The following PTPRH variants were observed in gnomAD, a reference collection of about 807,000 sequenced individuals.
PTPRH encodes protein tyrosine phosphatase receptor type H.
PTPRH carries 113 observed loss-of-function variants against 130.2 expected under a neutral mutation model. That is an observed-to-expected ratio of 0.87 (90% CI 0.75 to 1.01). The LOEUF is 1.01. Ranked by LOEUF, PTPRH falls within the 50% of genes least tolerant of loss-of-function variation. PTPRH has a pLI of 0.00. For synonymous variants in PTPRH, 556 were observed against 577.9 expected, an observed-to-expected ratio of 0.96 and a Z score of 0.54; for missense variants, 1,430 against 1,425.0, an observed-to-expected ratio of 1.00 and a Z score of -0.06.
At chr19:55,192,381 A>G (rs560735016) in intron 10 of PTPRH, among the ~76,000 whole-genome samples, 82 of 151,910 alleles carry the variant, frequency 5.4e-4, no homozygotes, top group Middle Eastern at 6.8e-3. Flanking sequence ...CAGCCTGGGT[A>G]ACAGAGCAAG....
At chr19:55,190,150 C>T (rs1359121890) in intron 12 of PTPRH, among the ~76,000 whole-genome samples, 1 of 151,976 alleles carries the variant, frequency 6.6e-6, no homozygotes, top group Non-Finnish European at 1.5e-5. Context: ...GCAGGTGGAT[C>T]ACAAGGTCAG....
intron 3 of PTPRH, among the ~76,000 whole-genome samples, chr19:55,206,090 G>A (rs1182101469): frequency 6.6e-6 from 1 of 151,936 alleles, no homozygotes; most frequent in East Asian, 1.9e-4. Flanking sequence ...AAAGTTAGTT[G>A]GGCATGGTGG....
Position 55,205,573 on chromosome 19 carries a change from G to A in PTPRH, c.372C>T (p.Asn124=), listed in dbSNP as rs1274117339. ...TGTTGGTCTGAGCCTCCACTCTCAG[G>A]TTCCTCACTGGGTTGGGAGCTGAAA... The part of the protein sequence containing the change: ...TTATAPNPVR[N]LRVEAQTNSS... Residue 124 remains asparagine, a synonymous_variant, in exon 4 of 20, where the codon AAC becomes AAT. Coordinates refer to ENST00000376350, the MANE Select transcript of PTPRH (RefSeq NM_002842.5). The A allele has an allele frequency of 6.2e-7, 1 of 1,614,088 alleles. No homozygotes were observed. The highest frequency in any genetic ancestry group is 1.3e-5 in the African/African-American group (1 of 74,938).
rs2086534420 is a variant in PTPRH, at chr19:55,191,520, G to A, written c.2365C>T (p.Leu789Phe). The stretch of plus-strand genomic sequence containing the variant: ...GCTCACCTAAAGACCAGATCCCTGA[G>A]TTCTGGTTTCTGCTGCTTCTTCTTA... ...RNKKKQQKPELRDLVFSSPGD... is the reference protein window; with the variant it reads ...RNKKKQQKPEFRDLVFSSPGD... Residue 789 changes from leucine to phenylalanine, a missense_variant, in exon 12 of 20, where the codon CTC becomes TTC. Leu to Phe is a conservative substitution (Grantham distance 22). Transcript: ENST00000376350. 6.2e-7 allele frequency: 1 copy of A among 1,614,196 alleles called. No homozygotes were observed. The highest frequency in any genetic ancestry group is 8.5e-7 in the Non-Finnish European group (1 of 1,180,034).
rs2086294697 is a variant in PTPRH at position 55,185,556 on chromosome 19, A to G, written c.3008T>C (p.Leu1003Pro). ...CATGGTCTGATCCAGCCACTGCCGA[A>G]GCATCCTCCAGAAAGCCAGCAAGGT... ...PDTLLAFWRMLRQWLDQTMEG... is the reference protein window; with the variant it reads ...PDTLLAFWRMPRQWLDQTMEG... Residue 1003 changes from leucine (L) to proline (P), a missense_variant, in exon 18 of 20, where the codon CTT becomes CCT. Physicochemically the swap from Leu to Pro is moderately conservative, Grantham distance 98. Transcript: ENST00000376350. 6 of 1,614,218 alleles carry G rather than the reference A, an allele frequency of 3.7e-6. No individual in the cohort carries two copies. Among genetic ancestry groups the G allele is most frequent in the Non-Finnish European group, 4.2e-6 (5 of 1,180,032 alleles).
In PTPRH at chr19:55,182,011, C is replaced by T. The variant is rs377154770; in HGVS notation, c.3198+5G>A. On this transcript the variant is annotated splice_donor_5th_base_variant and intron_variant, in intron 19 of 19. Coordinates refer to ENST00000376350, the MANE Select transcript of PTPRH (RefSeq NM_002842.5). Reference sequence around the variant, plus strand: ...CCGTCCTGTGTTGCTGAGGGACTGCCTCACCTCAGTCTGCACCATCAACGG... The same window carrying T: ...CCGTCCTGTGTTGCTGAGGGACTGCTTCACCTCAGTCTGCACCATCAACGG... 5 of 1,613,982 alleles carry T rather than the reference C, an allele frequency of 3.1e-6. No individual in the cohort carries two copies. In the African/African-American group the frequency reaches 5.3e-5, roughly 17 times the overall value.
At chr19:55,188,728 C>T (rs948345219) in intron 12 of PTPRH, among the ~76,000 whole-genome samples, 4 of 152,124 alleles carry the variant, frequency 2.6e-5, no homozygotes, top group Non-Finnish European at 5.9e-5. Flanking sequence ...CAGCCCCCAC[C>T]GGCCTGACTG....
Position 55,206,847 on chromosome 19 carries a change from A to T in PTPRH, c.194T>A (p.Val65Asp). Residue 65 changes from valine to aspartate, a missense_variant, in exon 3 of 20, where the codon GTT becomes GAT. Val to Asp is a radical substitution (Grantham distance 152, BLOSUM62 -3). Coordinates refer to ENST00000376350, the MANE Select transcript of PTPRH (RefSeq NM_002842.5). ...TGTGCCGCCGTCTCCAGTACACTGA[A>T]CCCAGTAGTTGGAGTTCTGTGAGTC... ...GLDSQNSNYW[V>D]QCTGDGGTTE... 6.2e-7 allele frequency: 1 copy of T among 1,614,064 alleles called. No individual in the cohort carries two copies. Among genetic ancestry groups the T allele is most frequent in the East Asian group, 2.2e-5 (1 of 44,882 alleles).
At position 55,203,854 on chromosome 19, in the gene PTPRH, A is replaced by G. The variant is rs2086952722; in HGVS notation, c.814T>C (p.Leu272=). 2 of 1,614,156 alleles carry G rather than the reference A, an allele frequency of 1.2e-6. No individual in the cohort carries two copies. The highest frequency in any genetic ancestry group is 2.2e-5 in the East Asian group (1 of 44,874). ...TCCACCCACACAGAACACGTATACAATGACCCGGGTCCAAGGCCATCCACG... is the reference window on the plus strand; with the variant it reads ...TCCACCCACACAGAACACGTATACAGTGACCCGGGTCCAAGGCCATCCACG... ...VTVDGLGPGS[L]YTCSVWVEKD... is the part of the protein sequence containing the mutation. The change falls in exon 5 of 20, where the codon TTG becomes CTG. Residue 272 remains leucine (L), a synonymous_variant. Transcript: ENST00000376350.
Position 55,181,844 on chromosome 19 carries a change from G to T in PTPRH, c.3258C>A (p.Ala1086=). The change falls in exon 20 of 20, where the codon GCC becomes GCA. Residue 1086 remains alanine, a synonymous_variant. Transcript: ENST00000376350. ...ILRFLQQSAQ[A]PAEKEVPYED... is the part of the protein sequence containing the mutation. Reference sequence around the variant, plus strand: ...CATACGGGACTTCCTTCTCGGCTGGGGCCTGGGCTGACTGTTGGAGGAACC... The same window carrying T: ...CATACGGGACTTCCTTCTCGGCTGGTGCCTGGGCTGACTGTTGGAGGAACC... 1 of 1,614,162 alleles carries T rather than the reference G, an allele frequency of 6.2e-7. No homozygotes were observed. Among genetic ancestry groups the T allele is most frequent in the East Asian group, 2.2e-5 (1 of 44,892 alleles).
intron 12 of PTPRH, among the ~76,000 whole-genome samples, chr19:55,191,265 T>G (rs987677252): frequency 6.6e-6 from 1 of 152,222 alleles, no homozygotes; most frequent in Non-Finnish European, 1.5e-5. Flanking sequence ...TCAGCTGATA[T>G]CTGCTGAATG....
Position 55,187,371 on chromosome 19 carries a change from AAAAAAAAAAAGGAAG to A in PTPRH, c.2566+127_2566+141del, listed in dbSNP as rs1364878904. 4.3e-3 allele frequency: 1,405 copies of A among 329,488 alleles called. 20 individuals are homozygous for A. In the African/African-American group the frequency reaches 0.046, roughly 11 times the overall value. 20.4% of individuals were successfully genotyped at this position (329,488 alleles called of 1,614,324 possible). A position where few individuals can be genotyped will look rare whatever the true frequency, so the allele number is the denominator to read the frequency against. On this transcript the variant is annotated intron_variant, in intron 14 of 19. Transcript: ENST00000376350. ...AAAAAAAAAAAAAAAGAAAAAAAGA[AAAAAAAAAAAGGAAG>A]AAAAAAAAAAGGAGACCCACGGTAG...
chr19:55,185,060 C>G (rs1333842862), intron 18 of PTPRH, among the ~76,000 whole-genome samples: 1 of 151,396 alleles, frequency 6.6e-6, no homozygotes, highest in Non-Finnish European at 1.5e-5. Context: ...AGTGGTGCGA[C>G]CTCAGCTCAC....
In PTPRH at chr19:55,203,972, A is replaced by G. The variant is rs757736877; in HGVS notation, c.696T>C (p.Asp232=). ...AGGTCGAGTTCTGTGGGTCTGTGCC[A>G]TCGGGGACCTCCCAGCTCAGGGAGA... ...SSISLSWEVP[D]GTDPQNSTYC... The change falls in exon 5 of 20, where the codon GAT becomes GAC. Residue 232 remains aspartate (D), a synonymous_variant. Transcript: ENST00000376350. 6 of 1,614,200 alleles carry G rather than the reference A, an allele frequency of 3.7e-6. No homozygotes were observed. In the Admixed American group the frequency reaches 8.3e-5, roughly 22 times the overall value.
At chr19:55,194,679 A>C (rs1461880824) in intron 10 of PTPRH, among the ~76,000 whole-genome samples, 1 of 152,204 alleles carries the variant, frequency 6.6e-6, no homozygotes, top group African/African-American at 2.4e-5. Context: ...AAGATGATAC[A>C]ACCACATTAG....
At chr19:55,205,278 C>T (rs1210309966) in intron 4 of PTPRH, 48 bp downstream of exon 4, 2 of 1,608,930 alleles carry the variant, frequency 1.2e-6, no homozygotes, top group East Asian at 2.2e-5. Context: ...CTCCTGCCTA[C>T]TGCCCCTTAA....
rs1250788300 is a variant in PTPRH, at chr19:55,196,754, G to A, written c.2025C>T (p.Ser675=). ...PDTVTITSCV[S]TSAGYGVNLI... is the part of the protein sequence containing the mutation. ...AGTTGACTCCATAGCCCGCTGAGGT[G>A]CTGACACAGGAAGTGATGGTGACTG... The change falls in exon 10 of 20, where the codon AGC becomes AGT. Residue 675 remains serine (S), a synonymous_variant. Transcript: ENST00000376350. 1 of 1,614,032 alleles carries A rather than the reference G, an allele frequency of 6.2e-7. No homozygotes were observed. Among genetic ancestry groups the A allele is most frequent in the East Asian group, 2.2e-5 (1 of 44,884 alleles).
At position 55,191,491 on chromosome 19, in the gene PTPRH, T is replaced by G. The variant is rs74550659; in HGVS notation, c.2384+10A>C. On this transcript the variant is annotated intron_variant, in intron 12 of 19. Transcript: ENST00000376350. ...TTCTTTCCAATGCACCCCCCAGACCTTCTGCTCACCTAAAGACCAGATCCC... is the reference window on the plus strand; with the variant it reads ...TTCTTTCCAATGCACCCCCCAGACCGTCTGCTCACCTAAAGACCAGATCCC... The G allele has an allele frequency of 3.1e-3, 4,954 of 1,614,018 alleles. 180 individuals carry two copies. In the East Asian group the frequency reaches 0.083, roughly 27 times the overall value.
Position 55,203,997 on chromosome 19 carries a change from A to G in PTPRH, c.671T>C (p.Ile224Thr), listed in dbSNP as rs1331327073. ...ATCGGGGACCTCCCAGCTCAGGGAG[A>G]TGGAGCTGGTGGTCTGAGCCTCCAC... The part of the protein sequence containing the change: ...LRVEAQTTSS[I>T]SLSWEVPDGT... The change falls in exon 5 of 20, where the codon ATC (isoleucine) becomes ACC (threonine). Residue 224 changes from isoleucine (I) to threonine (T), a missense_variant. Physicochemically the swap from Ile to Thr is moderately conservative, Grantham distance 89 (BLOSUM62 -1). Coordinates refer to ENST00000376350, the MANE Select transcript of PTPRH (RefSeq NM_002842.5). 5 of 1,614,042 alleles carry G rather than the reference A, an allele frequency of 3.1e-6. No individual in the cohort carries two copies. Among genetic ancestry groups the G allele is most frequent in the Non-Finnish European group, 4.2e-6 (5 of 1,179,904 alleles).
Sources: allele counts gnomAD v4.1 joint callset (sites outside exome capture counted in the v4.1 genomes callset), GRCh38; gene constraint gnomAD v4.1.1; transcripts MANE v1.5; gene names NCBI Gene and HGNC (gene_info 2026-07-23, HGNC 2026-07-21).